ZPBP: variants seen among roughly 807,000 people sequenced by gnomAD.
The protein encoded by ZPBP is zona pellucida-binding protein 1.
In ZPBP, 26 loss-of-function variants were observed where a neutral mutation model predicts 44.8. The observed-to-expected ratio is 0.58, with a 90% confidence interval of 0.43 to 0.81. The LOEUF is 0.81. Among genes scored for constraint, ZPBP ranks in the 30% least tolerant of loss-of-function variants. The pLI, the probability that ZPBP is intolerant of heterozygous loss-of-function variation, is 0.00. For synonymous variants in ZPBP, 174 were observed against 153.2 expected, an observed-to-expected ratio of 1.14 and a Z score of -1.00; for missense variants, 409 against 434.0, an observed-to-expected ratio of 0.94 and a Z score of 0.51.
chr7:49,884,070 G>C (rs1307355215), intron 2 of ZPBP, among the ~76,000 whole-genome samples: 2 of 152,218 alleles, frequency 1.3e-5, no homozygotes, highest in African/African-American at 2.4e-5. Context: ...CACACTTCAA[G>C]AACCCTGAGC....
chr7:50,054,150 C>T (rs964199797), intron 4 of ZPBP, among the ~76,000 whole-genome samples: 1 of 152,056 alleles, frequency 6.6e-6, no homozygotes, highest in Non-Finnish European at 1.5e-5. Context: ...CTCGGCCTCC[C>T]AAAGTTCTGG....
chr7:49,891,679 T>C (rs6968993), intron 2 of ZPBP, among the ~76,000 whole-genome samples: 68,513 of 151,910 alleles, frequency 0.45, 15,690 homozygotes, highest in Non-Finnish European at 0.48. Flanking sequence ...ATACTGATTC[T>C]GATGTAATCA....
chr7:50,059,703 C>T (rs1209396499), intron 3 of ZPBP, among the ~76,000 whole-genome samples: 1 of 152,024 alleles, frequency 6.6e-6, no homozygotes, highest in African/African-American at 2.4e-5. Flanking sequence ...ATGAATGTTT[C>T]CCACACTAGA....
intron 7 of ZPBP, among the ~76,000 whole-genome samples, chr7:49,982,171 A>AT (rs1319976895): frequency 2.5e-4 from 1 of 4,014 alleles, no homozygotes; most frequent in Non-Finnish European, 4.8e-4. Context: ...TATATATTAT[A>AT]TATATATAAT....
rs79874521 is a variant in ZPBP at position 49,875,614 on chromosome 7, G to A, written n.510-25100C>T. On this transcript the variant is annotated intron_variant and non_coding_transcript_variant, in intron 2 of 2. Coordinates refer to the ZPBP transcript ENST00000465922. ...GTGCTTTGCTAGGTGGAAACCCACC[G>A]CCTTCCAGTATCAGCTCTGTGGCCT... Among the ~76,000 whole-genome samples the A allele has an allele frequency of 4.5e-3, 688 of 151,926 alleles. 4 individuals are homozygous for A. Among genetic ancestry groups the A allele is most frequent in the African/African-American group, 0.016 (647 of 41,456 alleles).
chr7:49,973,055 A>G (rs560965418), intron 7 of ZPBP, among the ~76,000 whole-genome samples: 1 of 152,186 alleles, frequency 6.6e-6, no homozygotes, highest in South Asian at 2.1e-4. Context: ...CCCTTAACTT[A>G]CACAGCAAAC....
At chr7:50,037,679 G>A (rs1462954857) in intron 4 of ZPBP, among the ~76,000 whole-genome samples, 1 of 152,142 alleles carries the variant, frequency 6.6e-6, no homozygotes, top group Non-Finnish European at 1.5e-5. Flanking sequence ...CAAAATTGGG[G>A]AGTACAATTA....
At chr7:49,895,663 C>T (rs1249917504) in intron 2 of ZPBP, among the ~76,000 whole-genome samples, 1 of 152,188 alleles carries the variant, frequency 6.6e-6, no homozygotes. Context: ...AATTAATTAT[C>T]AGCCATAGGA....
intron 1 of ZPBP, among the ~76,000 whole-genome samples, chr7:49,902,251 C>T (rs904020856): frequency 7.9e-5 from 12 of 151,774 alleles, no homozygotes; most frequent in Non-Finnish European, 1.2e-4. Context: ...GAAAGGCAAA[C>T]CACAGACTGG....
At chr7:50,074,029 T>C (rs1801965811) in intron 3 of ZPBP, among the ~76,000 whole-genome samples, 1 of 152,002 alleles carries the variant, frequency 6.6e-6, no homozygotes, top group Non-Finnish European at 1.5e-5. Context: ...CTGTGATGTG[T>C]AAACTAGTCT....
chr7:49,871,432 GAATAA>G (rs1791143586), intron 2 of ZPBP, among the ~76,000 whole-genome samples: 1 of 152,122 alleles, frequency 6.6e-6, no homozygotes, highest in African/African-American at 2.4e-5. Flanking sequence ...TGAAATGGCA[GAATAA>G]AATATACTGT....
intron 7 of ZPBP, among the ~76,000 whole-genome samples, chr7:49,963,817 T>A (rs1795952166): frequency 6.6e-6 from 1 of 151,840 alleles, no homozygotes; most frequent in South Asian, 2.1e-4. Context: ...ACAAAAATTG[T>A]TATTATGGGC....
intron 3 of ZPBP, among the ~76,000 whole-genome samples, chr7:50,071,501 G>A (rs1801831197): frequency 6.6e-6 from 1 of 152,132 alleles, no homozygotes; most frequent in South Asian, 2.1e-4. Flanking sequence ...GTGAACTGAG[G>A]GGGCACACAC....
At chr7:50,084,350 C>CA (rs35709176) in intron 2 of ZPBP, among the ~76,000 whole-genome samples, 31,723 of 124,120 alleles carry the variant, frequency 0.26, 3,646 homozygotes, top group Admixed American at 0.32. Context: ...GAACATGTAC[C>CA]AAAAAAAAAA....
intron 6 of ZPBP, among the ~76,000 whole-genome samples, chr7:50,007,642 A>G (rs1371440400): frequency 6.6e-6 from 1 of 152,042 alleles, no homozygotes; most frequent in Non-Finnish European, 1.5e-5. Flanking sequence ...TCAACAAAGC[A>G]GAATCCAACA....
intron 6 of ZPBP, among the ~76,000 whole-genome samples, chr7:49,991,949 T>C (rs1165960585): frequency 6.6e-6 from 1 of 151,016 alleles, no homozygotes; most frequent in Non-Finnish European, 1.5e-5. Context: ...AGTAAGAATG[T>C]AGGAAGGAAG....
chr7:49,870,863 A>G (rs1290306324), intron 2 of ZPBP, among the ~76,000 whole-genome samples: 2 of 152,270 alleles, frequency 1.3e-5, no homozygotes, highest in African/African-American at 4.8e-5. Flanking sequence ...TCAAGAAACC[A>G]TCAACAAAAC....
intron 7 of ZPBP, among the ~76,000 whole-genome samples, chr7:49,965,901 G>A (rs1011410637): frequency 6.6e-6 from 1 of 152,036 alleles, no homozygotes; most frequent in Non-Finnish European, 1.5e-5. Flanking sequence ...AATAGGTCAA[G>A]TCAGATAAAT....
intron 6 of ZPBP, among the ~76,000 whole-genome samples, chr7:50,000,211 G>A (rs1798033894): frequency 6.6e-6 from 1 of 152,096 alleles, no homozygotes; most frequent in Admixed American, 6.6e-5. Flanking sequence ...CTAATTTTAA[G>A]CCTTAGTAAT....
Sources: gnomAD v4.1 joint callset for allele counts (sites outside exome capture counted in the v4.1 genomes callset) on GRCh38, gnomAD v4.1.1 for gene constraint, MANE v1.5 for transcripts, NCBI Gene and HGNC (gene_info 2026-07-23, HGNC 2026-07-21) for gene names.